The following SOWAHC variants were observed in gnomAD, a reference collection of about 807,000 sequenced individuals.
SOWAHC encodes the protein sosondowah ankyrin repeat domain family member C.
A neutral mutation model predicts 14.4 loss-of-function variants in SOWAHC; 12 were observed. The observed-to-expected ratio is 0.83, with a 90% CI of 0.53 to 1.35. The LOEUF is 1.35. SOWAHC is among the 40% of genes most tolerant of loss of function. SOWAHC has a pLI of 0.00. For missense variants in SOWAHC, 771 were observed against 752.8 expected (o/e 1.02, Z -0.28); for synonymous variants, 398 against 347.0 (o/e 1.15, Z -1.63).
Position 109,615,960 on chromosome 2 carries a change from C to T in SOWAHC, c.1471C>T (p.Pro491Ser), listed in dbSNP as rs745666093. The part of the protein sequence containing the change: ...IVHTTPSFRD[P>S]EQPLEGRGEE... Reference sequence around the variant, plus strand: ...CCACACCACACCCTCTTTCAGGGACCCAGAGCAGCCGCTGGAGGGCAGGGG... The same window carrying T: ...CCACACCACACCCTCTTTCAGGGACTCAGAGCAGCCGCTGGAGGGCAGGGG... Residue 491 changes from proline to serine, a missense_variant, in exon 1 of 1, where the codon CCA (proline) becomes TCA (serine). Physicochemically the swap from Pro to Ser is moderately conservative, Grantham distance 74 (BLOSUM62 -1). Coordinates refer to ENST00000356454, the MANE Select transcript of SOWAHC (RefSeq NM_023016.4). The T allele has an allele frequency of 5.7e-6, 9 of 1,583,152 alleles. No homozygotes were observed. In the Admixed American group the frequency reaches 9.0e-5, roughly 16 times the overall value.
rs1029831500 is a variant in SOWAHC at position 109,615,809 on chromosome 2, C to T, written c.1320C>T (p.His440=). ...TAGAAGATGGAGGGGACCATCACCA[C>T]CATCACCACTCGGCTGAGGGGTGGG... The part of the protein sequence containing the change: ...HALEDGGDHH[H]HHHSAEGWVG... The change falls in exon 1 of 1, where the codon CAC becomes CAT. Residue 440 remains histidine (H), a synonymous_variant. Coordinates refer to ENST00000356454, the MANE Select transcript of SOWAHC (RefSeq NM_023016.4). 6.2e-7 allele frequency: 1 copy of T among 1,614,164 alleles called. No individual in the cohort carries two copies. Among genetic ancestry groups the T allele is most frequent in the Non-Finnish European group, 8.5e-7 (1 of 1,180,024 alleles).
At position 109,615,251 on chromosome 2, in the gene SOWAHC, G is replaced by C; in HGVS notation, c.762G>C (p.Glu254Asp). ...CGGTGGCCTCGTCGTCCGCGGAGGA[G>C]GAGAGCAGCGGCGGAGGCTCCGTGA... is the stretch of plus-strand genomic sequence containing the variant. Reference protein sequence around the residue: ...SASVASSSAEEESSGGGSVTL... With the variant: ...SASVASSSAEDESSGGGSVTL... Residue 254 changes from glutamate to aspartate, a missense_variant, in exon 1 of 1, where the codon GAG becomes GAC. Glu to Asp is a conservative substitution (Grantham distance 45, BLOSUM62 2). Transcript: ENST00000356454. The C allele has an allele frequency of 1.3e-6, 2 of 1,556,978 alleles. No individual in the cohort carries two copies. The highest frequency in any genetic ancestry group is 4.8e-5 in the East Asian group (2 of 41,322).
At position 109,614,641 on chromosome 2, in the gene SOWAHC, G is replaced by C; in HGVS notation, c.152G>C (p.Arg51Pro). 1 of 1,467,428 alleles carries C rather than the reference G, an allele frequency of 6.8e-7. No homozygotes were observed. Among genetic ancestry groups the C allele is most frequent in the South Asian group, 1.3e-5 (1 of 77,358 alleles). 90.9% of individuals were successfully genotyped at this position (1,467,428 alleles called of 1,614,324 possible). A position where few individuals can be genotyped will look rare whatever the true frequency, so the allele number is the denominator to read the frequency against. Residue 51 changes from arginine (R) to proline (P), a missense_variant, in exon 1 of 1, where the codon CGC becomes CCC. Arg to Pro is a moderately radical substitution (Grantham distance 103). Coordinates refer to ENST00000356454, the MANE Select transcript of SOWAHC (RefSeq NM_023016.4). ...ALGGEPEQRA[R>P]ARAHFKELVN... is the part of the protein sequence containing the mutation. ...GGCGGCGAACCGGAGCAGCGCGCCC[G>C]CGCCCGCGCGCACTTCAAGGAGCTG...
chr2:109,615,256 G>A lies in SOWAHC; in HGVS notation c.767G>A (p.Ser256Asn), dbSNP rs1477064192. ...SVASSSAEEE[S>N]SGGGSVTLDP... ...GCCTCGTCGTCCGCGGAGGAGGAGA[G>A]CAGCGGCGGAGGCTCCGTGACGCTG... Residue 256 changes from serine (S) to asparagine (N), a missense_variant, in exon 1 of 1, where the codon AGC (serine) becomes AAC (asparagine). Transcript: ENST00000356454. The A allele has an allele frequency of 6.4e-7, 1 of 1,560,006 alleles. No homozygotes were observed.
At position 109,614,953 on chromosome 2, in the gene SOWAHC, A is replaced by G; in HGVS notation, c.464A>G (p.Lys155Arg). 1 of 1,524,790 alleles carries G rather than the reference A, an allele frequency of 6.6e-7. No individual in the cohort carries two copies. Among genetic ancestry groups the G allele is most frequent in the Non-Finnish European group, 8.8e-7 (1 of 1,140,590 alleles). 94.5% of individuals were successfully genotyped at this position (1,524,790 alleles called of 1,614,324 possible). The change falls in exon 1 of 1, where the codon AAG (lysine) becomes AGG (arginine). Residue 155 changes from lysine to arginine, a missense_variant. Coordinates refer to ENST00000356454, the MANE Select transcript of SOWAHC (RefSeq NM_023016.4). The stretch of plus-strand genomic sequence containing the variant: ...CCCCTGAGCGCCGGGGCTCGCAGGA[A>G]GAACTCGCGGCGCGACGTGCAGCCC... ...WPPLSAGARR[K>R]NSRRDVQPLP...
Position 109,616,055 on chromosome 2 carries a change from T to A in SOWAHC, c.1566T>A (p.Asn522Lys), listed in dbSNP as rs1700144247. ...CCTTCACATTGAGACCAAAGTCCAA[T>A]GTATTTGGGTAAAAATTGCTTCTTT... ...HSPFTLRPKS[N>K]VFG is the part of the protein sequence containing the mutation. The change falls in exon 1 of 1, where the codon AAT becomes AAA. Residue 522 changes from asparagine to lysine, a missense_variant. By Grantham distance (94) the Asn-to-Lys change is moderately conservative. Coordinates refer to ENST00000356454, the MANE Select transcript of SOWAHC (RefSeq NM_023016.4). 1 of 1,506,396 alleles carries A rather than the reference T, an allele frequency of 6.6e-7. No individual in the cohort carries two copies. Among genetic ancestry groups the A allele is most frequent in the Non-Finnish European group, 8.9e-7 (1 of 1,129,072 alleles). 93.3% of individuals were successfully genotyped at this position (1,506,396 alleles called of 1,614,324 possible). A position where few individuals can be genotyped will look rare whatever the true frequency, so the allele number is the denominator to read the frequency against.
In SOWAHC at chr2:109,615,570, G is replaced by A; in HGVS notation, c.1081G>A (p.Val361Met). 1 of 1,614,078 alleles carries A rather than the reference G, an allele frequency of 6.2e-7. No homozygotes were observed. The highest frequency in any genetic ancestry group is 8.5e-7 in the Non-Finnish European group (1 of 1,180,038). ...HGHVEVVKLL[V>M]GAYDADVDIR... Reference sequence around the variant, plus strand: ...CCACGTGGAGGTGGTGAAGCTGCTGGTGGGGGCCTACGACGCCGATGTGGA... The same window carrying A: ...CCACGTGGAGGTGGTGAAGCTGCTGATGGGGGCCTACGACGCCGATGTGGA... Residue 361 changes from valine (V) to methionine (M), a missense_variant, in exon 1 of 1, where the codon GTG becomes ATG. Transcript: ENST00000356454.
rs1700156367 is a variant in SOWAHC, at chr2:109,616,658, T to C, written c.*591T>C. On this transcript the variant is annotated 3_prime_UTR_variant, in exon 1 of 1. Coordinates refer to ENST00000356454, the MANE Select transcript of SOWAHC (RefSeq NM_023016.4). ...GAATCTTCTTGGTATTTTATGTGTA[T>C]TGTAAGTAGCAGTTAAATTATTTTT... 6.0e-6 allele frequency: 1 copy of C among 167,084 alleles called. No individual in the cohort carries two copies. The highest frequency in any genetic ancestry group is 1.5e-5 in the Non-Finnish European group (1 of 68,128). The allele number at this position is 167,084 out of a possible 1,614,324, so 10.4% of individuals were successfully genotyped here. A position where few individuals can be genotyped will look rare whatever the true frequency, so the allele number is the denominator to read the frequency against.
Position 109,614,926 on chromosome 2 carries a change from C to T in SOWAHC, c.437C>T (p.Pro146Leu), listed in dbSNP as rs1375360281. The change falls in exon 1 of 1, where the codon CCG becomes CTG. Residue 146 changes from proline (P) to leucine (L), a missense_variant. Pro to Leu is a moderately conservative substitution (Grantham distance 98). Transcript: ENST00000356454. ...GAGCCCCCCGCCCCCGCGCACTGGC[C>T]GCCCCTGAGCGCCGGGGCTCGCAGG... ...EGEPPAPAHW[P>L]PLSAGARRKN... The T allele has an allele frequency of 2.0e-6, 3 of 1,493,808 alleles. No individual in the cohort carries two copies. Among genetic ancestry groups the T allele is most frequent in the Non-Finnish European group, 8.9e-7 (1 of 1,128,736 alleles). The allele number at this position is 1,493,808 out of a possible 1,614,324, so 92.5% of individuals were successfully genotyped here. A position where few individuals can be genotyped will look rare whatever the true frequency, so the allele number is the denominator to read the frequency against.
Position 109,615,251 on chromosome 2 carries a change from G to A in SOWAHC, c.762G>A (p.Glu254=). 1.9e-6 allele frequency: 3 copies of A among 1,556,978 alleles called. No individual in the cohort carries two copies. Among genetic ancestry groups the A allele is most frequent in the Non-Finnish European group, 2.6e-6 (3 of 1,151,616 alleles). The change falls in exon 1 of 1, where the codon GAG becomes GAA. Residue 254 remains glutamate (E), a synonymous_variant. Coordinates refer to ENST00000356454, the MANE Select transcript of SOWAHC (RefSeq NM_023016.4). ...CGGTGGCCTCGTCGTCCGCGGAGGAGGAGAGCAGCGGCGGAGGCTCCGTGA... is the reference window on the plus strand; with the variant it reads ...CGGTGGCCTCGTCGTCCGCGGAGGAAGAGAGCAGCGGCGGAGGCTCCGTGA... ...SASVASSSAE[E]ESSGGGSVTL...
Position 109,616,899 on chromosome 2 carries a change from G to T in SOWAHC, c.*832G>T, listed in dbSNP as rs1190873284. On this transcript the variant is annotated 3_prime_UTR_variant, in exon 1 of 1. Coordinates refer to ENST00000356454, the MANE Select transcript of SOWAHC (RefSeq NM_023016.4). The stretch of plus-strand genomic sequence containing the variant: ...CTCTTTCGGATTCTCACTAACTTTT[G>T]TTACTATTCTAAAAGTTTGAATTTG... 1 of 166,922 alleles carries T rather than the reference G, an allele frequency of 6.0e-6. No homozygotes were observed. Among genetic ancestry groups the T allele is most frequent in the East Asian group, 1.9e-4 (1 of 5,204 alleles). 10.3% of individuals were successfully genotyped at this position (166,922 alleles called of 1,614,324 possible). A position where few individuals can be genotyped will look rare whatever the true frequency, so the allele number is the denominator to read the frequency against.
At position 109,617,388 on chromosome 2, in the gene SOWAHC, G is replaced by A. The variant is rs568126306; in HGVS notation, c.*1321G>A. The A allele has an allele frequency of 1.8e-5, 3 of 166,942 alleles. No individual in the cohort carries two copies. Among genetic ancestry groups the A allele is most frequent in the Non-Finnish European group, 2.9e-5 (2 of 68,098 alleles). 10.3% of individuals were successfully genotyped at this position (166,942 alleles called of 1,614,324 possible). On this transcript the variant is annotated 3_prime_UTR_variant, in exon 1 of 1. Coordinates refer to ENST00000356454, the MANE Select transcript of SOWAHC (RefSeq NM_023016.4). ...TACCATTCATTAAAATTAAGTACTC[G>A]TTTAAGTATGGTTCTTAATTACATT... is the stretch of plus-strand genomic sequence containing the variant.
chr2:109,616,285 C>A lies in SOWAHC; in HGVS notation c.*218C>A. The A allele has an allele frequency of 3.8e-6, 2 of 525,070 alleles. No homozygotes were observed. The highest frequency in any genetic ancestry group is 2.9e-6 in the Non-Finnish European group (1 of 339,246). 32.5% of individuals were successfully genotyped at this position (525,070 alleles called of 1,614,324 possible). ...ACCTTGACCTGTACCTCTTCTCTGC[C>A]CTCCACTTCCCTGCCCTGGAGTCCG... is the stretch of plus-strand genomic sequence containing the variant. On this transcript the variant is annotated 3_prime_UTR_variant, in exon 1 of 1. Transcript: ENST00000356454.
chr2:109,615,392 C>T lies in SOWAHC; in HGVS notation c.903C>T (p.Thr301=), dbSNP rs777564332. Residue 301 remains threonine, a synonymous_variant, in exon 1 of 1, where the codon ACC becomes ACT. Coordinates refer to ENST00000356454, the MANE Select transcript of SOWAHC (RefSeq NM_023016.4). The part of the protein sequence containing the change: ...PGLLVKRDFI[T]GFTCLHWAAK... ...TGCTGGTCAAGCGGGACTTCATTAC[C>T]GGCTTCACTTGCCTGCACTGGGCCG... 11 of 1,612,922 alleles carry T rather than the reference C, an allele frequency of 6.8e-6. No individual in the cohort carries two copies. The highest frequency in any genetic ancestry group is 1.7e-5 in the Admixed American group (1 of 60,006).
rs996753070 is a variant in SOWAHC at position 109,617,687 on chromosome 2, G to T, written c.*1620G>T. The stretch of plus-strand genomic sequence containing the variant: ...ATGCATAGAAATTTGTAACACTTTG[G>T]TCACATCTGTCTCTAGATGGTCATT... On this transcript the variant is annotated 3_prime_UTR_variant, in exon 1 of 1. Coordinates refer to ENST00000356454, the MANE Select transcript of SOWAHC (RefSeq NM_023016.4). 1.8e-5 allele frequency: 3 copies of T among 166,900 alleles called. No homozygotes were observed. Among genetic ancestry groups the T allele is most frequent in the Non-Finnish European group, 4.4e-5 (3 of 68,106 alleles). 10.3% of individuals were successfully genotyped at this position (166,900 alleles called of 1,614,324 possible).
rs768666233 is a variant in SOWAHC at position 109,615,071 on chromosome 2, G to C, written c.582G>C (p.Gly194=). ...EEADRGSSLV[G]ATAQRPARQN... ...CGGACAGGGGCAGCTCCCTTGTGGG[G>C]GCTACCGCACAGAGGCCGGCCCGCC... Residue 194 remains glycine (G), a synonymous_variant, in exon 1 of 1, where the codon GGG becomes GGC. Coordinates refer to ENST00000356454, the MANE Select transcript of SOWAHC (RefSeq NM_023016.4). 1.3e-6 allele frequency: 2 copies of C among 1,549,338 alleles called. No individual in the cohort carries two copies. The highest frequency in any genetic ancestry group is 2.7e-5 in the African/African-American group (2 of 73,028).
rs6594050 is a variant in SOWAHC, at chr2:109,617,574, A to G, written c.*1507A>G. On this transcript the variant is annotated 3_prime_UTR_variant, in exon 1 of 1. Transcript: ENST00000356454. Reference sequence around the variant, plus strand: ...TTGGGTCGCGTAGTTGCTGAAACCTAAGTACCTGCAGCCTACAGGATAAGG... The same window carrying G: ...TTGGGTCGCGTAGTTGCTGAAACCTGAGTACCTGCAGCCTACAGGATAAGG... 28,608 of 166,966 alleles carry G rather than the reference A, an allele frequency of 0.17. 2,782 individuals are homozygous for G. Among genetic ancestry groups the G allele is most frequent in the African/African-American group, 0.27 (11,217 of 41,494 alleles). 10.3% of individuals were successfully genotyped at this position (166,966 alleles called of 1,614,324 possible).
In SOWAHC at chr2:109,616,045, C is replaced by T. The variant is rs766938529; in HGVS notation, c.1556C>T (p.Pro519Leu). ...GGCCACTCGCCCTTCACATTGAGAC[C>T]AAAGTCCAATGTATTTGGGTAAAAA... ...VKGHSPFTLRPKSNVFG is the reference protein window; with the variant it reads ...VKGHSPFTLRLKSNVFG The change falls in exon 1 of 1, where the codon CCA becomes CTA. Residue 519 changes from proline to leucine, a missense_variant. By Grantham distance (98) the Pro-to-Leu change is moderately conservative (BLOSUM62 -3). Transcript: ENST00000356454. The T allele has an allele frequency of 5.3e-6, 8 of 1,512,572 alleles. No homozygotes were observed. Among genetic ancestry groups the T allele is most frequent in the Non-Finnish European group, 7.1e-6 (8 of 1,132,072 alleles). 93.7% of individuals were successfully genotyped at this position (1,512,572 alleles called of 1,614,324 possible).
In SOWAHC at chr2:109,614,765, G is replaced by C. The variant is rs966981225; in HGVS notation, c.276G>C (p.Gly92=). The change falls in exon 1 of 1, where the codon GGG becomes GGC. Residue 92 remains glycine (G), a synonymous_variant. Coordinates refer to ENST00000356454, the MANE Select transcript of SOWAHC (RefSeq NM_023016.4). ...RFCEGPSEPS[G]DPPRIQVTAE... ...GTGAAGGGCCGTCCGAGCCCTCCGG[G>C]GACCCGCCGCGAATCCAGGTGACCG... 2.0e-6 allele frequency: 3 copies of C among 1,479,460 alleles called. No homozygotes were observed. The African/African-American group carries it at 4.4e-5, about 22-fold the overall frequency. The allele number at this position is 1,479,460 out of a possible 1,614,324, so 91.6% of individuals were successfully genotyped here. A position where few individuals can be genotyped will look rare whatever the true frequency, so the allele number is the denominator to read the frequency against.
Sources: allele counts gnomAD v4.1 joint callset, GRCh38; gene constraint gnomAD v4.1.1; transcripts MANE v1.5; gene names NCBI Gene and HGNC (gene_info 2026-07-23, HGNC 2026-07-21).